Variants in GHR observed in about 807,000 individuals in gnomAD.
GHR encodes GH receptor.
Under a neutral mutation model 67.1 loss-of-function variants are expected in GHR, and 35 were observed. That is an observed-to-expected ratio of 0.52 (90% CI 0.40 to 0.69). The LOEUF is 0.69. Among genes scored for constraint, GHR ranks in the 30% least tolerant of loss-of-function variants. GHR has a pLI of 0.00. For missense variants in GHR, 792 were observed against 764.6 expected, an observed-to-expected ratio of 1.04 and a Z score of -0.42; for synonymous variants, 272 against 269.1, an observed-to-expected ratio of 1.01 and a Z score of -0.10.
chr5:42,593,452 C>A (rs1157316953), intron 2 of GHR, among the ~76,000 whole-genome samples: 1 of 152,148 alleles, frequency 6.6e-6, no homozygotes, highest in African/African-American at 2.4e-5. Context: ...ATTTGGTGAG[C>A]ATTTATAGAG....
intron 3 of GHR, among the ~76,000 whole-genome samples, chr5:42,673,373 C>T (rs1014404452): frequency 2.6e-5 from 4 of 152,138 alleles, no homozygotes; most frequent in Admixed American, 2.0e-4. Flanking sequence ...GAACTTGAAA[C>T]AGAGTTACCA....
rs45588036 is a variant in GHR at position 42,711,314 on chromosome 5, G to C, written c.726G>C (p.Glu242Asp). The change falls in exon 7 of 10, where the codon GAG (glutamate) becomes GAC (aspartate). Residue 242 changes from glutamate to aspartate, a missense_variant. By Grantham distance (45) the Glu-to-Asp change is conservative. Transcript: ENST00000230882. ...SKQRNSGNYG[E>D]FSEVLYVTLP... ...AACGAAACTCTGGAAATTATGGCGA[G>C]TTCAGTGAGGTGCTCTATGTAACAC... 5.8e-5 allele frequency: 94 copies of C among 1,613,036 alleles called. No homozygotes were observed. The highest frequency in any genetic ancestry group is 7.2e-5 in the Non-Finnish European group (85 of 1,179,112).
In GHR at chr5:42,709,858, C is replaced by A. The variant is rs138297946; in HGVS notation, c.619-1349C>A. On this transcript the variant is annotated intron_variant, in intron 6 of 9. Transcript: ENST00000230882. ...ACAGGGTTAGGTATGATAGGAGCCA[C>A]GTAAGTAGGAGCCACTCGAAATCTG... Among the ~76,000 whole-genome samples, 29 of 152,072 alleles carry A rather than the reference C, an allele frequency of 1.9e-4. No homozygotes were observed. The East Asian group carries it at 5.6e-3, about 29-fold the overall frequency.
At chr5:42,557,060 CA>C (rs1749348835) in intron 1 of GHR, among the ~76,000 whole-genome samples, 1 of 152,134 alleles carries the variant, frequency 6.6e-6, no homozygotes, top group South Asian at 2.1e-4. Context: ...CATGATTTCA[CA>C]AAACAAATTA....
At chr5:42,656,833 A>G (rs1179903868) in intron 3 of GHR, among the ~76,000 whole-genome samples, 1 of 152,124 alleles carries the variant, frequency 6.6e-6, no homozygotes, top group Non-Finnish European at 1.5e-5. Context: ...TGATTAACTG[A>G]CTATATATCT....
At chr5:42,616,438 G>T (rs1753152305) in intron 2 of GHR, among the ~76,000 whole-genome samples, 1 of 152,044 alleles carries the variant, frequency 6.6e-6, no homozygotes, top group Non-Finnish European at 1.5e-5. Flanking sequence ...TACCTGAGTG[G>T]ATGGTGAAAC....
At chr5:42,425,228 C>A (rs1007405958) in intron 1 of GHR, among the ~76,000 whole-genome samples, 4 of 152,148 alleles carry the variant, frequency 2.6e-5, no homozygotes, top group African/African-American at 9.7e-5. Flanking sequence ...TGTGTGAGTA[C>A]AGAACTTCGG....
chr5:42,493,191 T>C (rs940821686), intron 1 of GHR, among the ~76,000 whole-genome samples: 11 of 152,196 alleles, frequency 7.2e-5, no homozygotes, highest in African/African-American at 2.7e-4. Flanking sequence ...CTGCCAAGTG[T>C]GTCAGTGGAG....
intron 3 of GHR, among the ~76,000 whole-genome samples, chr5:42,673,279 A>G (rs1756408654): frequency 6.6e-6 from 1 of 152,198 alleles, no homozygotes; most frequent in South Asian, 2.1e-4. Flanking sequence ...AAGGCTGCAG[A>G]AAAAAAAGTG....
chr5:42,628,506 T>A (rs6897405), intron 2 of GHR, among the ~76,000 whole-genome samples: 2,860 of 131,490 alleles, frequency 0.022, 878 homozygotes, highest in African/African-American at 0.086. Context: ...ATGGAAGGTA[T>A]ACATTGGTTC....
chr5:42,432,989 A>T (rs1320547201), intron 1 of GHR, among the ~76,000 whole-genome samples: 2 of 152,216 alleles, frequency 1.3e-5, no homozygotes, highest in African/African-American at 2.4e-5. Flanking sequence ...TGTAGATAGG[A>T]TCAGGTTCAT....
intron 3 of GHR, among the ~76,000 whole-genome samples, chr5:42,648,128 C>T (rs149728497): frequency 5.1e-4 from 77 of 152,222 alleles, no homozygotes; most frequent in African/African-American, 1.2e-3. Flanking sequence ...ACTTAAAAGC[C>T]ATGTACCTCT....
At chr5:42,712,562 T>C (rs937930524) in intron 7 of GHR, among the ~76,000 whole-genome samples, 2 of 152,164 alleles carry the variant, frequency 1.3e-5, no homozygotes, top group African/African-American at 2.4e-5. Context: ...GGGATTTTAA[T>C]AACTTTTTAA....
intron 6 of GHR, among the ~76,000 whole-genome samples, chr5:42,705,962 G>T (rs1758156333): frequency 6.6e-6 from 1 of 152,088 alleles, no homozygotes; most frequent in African/African-American, 2.4e-5. Flanking sequence ...TCTTTGAGAA[G>T]TTGCTAAACT....
At chr5:42,647,655 T>C (rs534430623) in intron 3 of GHR, 1 of 448,896 alleles carries the variant, frequency 2.2e-6, no homozygotes, top group East Asian at 7.2e-5. Flanking sequence ...CTTCTAGGAG[T>C]CTTACATGCA....
At chr5:42,592,894 C>G (rs1046071369) in intron 2 of GHR, among the ~76,000 whole-genome samples, 1 of 152,160 alleles carries the variant, frequency 6.6e-6, no homozygotes, top group Non-Finnish European at 1.5e-5. Context: ...TGCAACCTTG[C>G]CAGCATCTGT....
At chr5:42,693,660 C>A (rs901467378) in intron 4 of GHR, among the ~76,000 whole-genome samples, 1 of 152,138 alleles carries the variant, frequency 6.6e-6, no homozygotes, top group Admixed American at 6.5e-5. Flanking sequence ...GCATCCTTTC[C>A]TTCCAGGCCC....
At chr5:42,574,147 T>C (rs1750502423) in intron 2 of GHR, among the ~76,000 whole-genome samples, 1 of 152,228 alleles carries the variant, frequency 6.6e-6, no homozygotes, top group Non-Finnish European at 1.5e-5. Flanking sequence ...AGCCATGCTT[T>C]CCTTAATAAT....
chr5:42,640,408 A>G (rs1447110080), intron 3 of GHR, among the ~76,000 whole-genome samples: 1 of 152,192 alleles, frequency 6.6e-6, no homozygotes, highest in Non-Finnish European at 1.5e-5. Flanking sequence ...CAAAGTAGAT[A>G]TGGAAGATAT....
Sources: allele counts gnomAD v4.1 joint callset (sites outside exome capture counted in the v4.1 genomes callset), GRCh38; gene constraint gnomAD v4.1.1; transcripts MANE v1.5; gene names NCBI Gene and HGNC (gene_info 2026-07-23, HGNC 2026-07-21).